Variants in VPS54 observed in about 807,000 individuals in gnomAD.
VPS54 encodes the protein VPS54 subunit of GARP complex, also known as vacuolar protein sorting-associated protein 54.
A neutral mutation model predicts 121.5 loss-of-function variants in VPS54; 45 were observed. That is an observed-to-expected ratio of 0.37 (90% CI 0.29 to 0.47). The LOEUF is 0.47. VPS54 is among the 20% of genes least tolerant of loss of function. VPS54 has a pLI of 0.99. For synonymous variants in VPS54, 371 were observed against 385.8 expected, an observed-to-expected ratio of 0.96 and a Z score of 0.45; for missense variants, 1,090 against 1,131.4, an observed-to-expected ratio of 0.96 and a Z score of 0.52.
chr2:63,949,382 T>TG (rs1675134648), intron 7 of VPS54, among the ~76,000 whole-genome samples: 2 of 152,166 alleles, frequency 1.3e-5, no homozygotes, highest in South Asian at 4.2e-4. Flanking sequence ...TTGAACAACA[T>TG]GGGGGTTAGA....
intron 1 of VPS54, among the ~76,000 whole-genome samples, chr2:63,994,915 TGGAG>T (rs753586189): frequency 1.3e-5 from 2 of 152,236 alleles, no homozygotes; most frequent in Non-Finnish European, 2.9e-5. Context: ...AGGGAATGCC[TGGAG>T]GCTACTTATT....
At chr2:64,013,434 A>AT (rs1385322612) in intron 1 of VPS54, among the ~76,000 whole-genome samples, 1 of 151,988 alleles carries the variant, frequency 6.6e-6, no homozygotes, top group Non-Finnish European at 1.5e-5. Context: ...GCAATGCATT[A>AT]ACCTTGAATG....
intron 20 of VPS54, among the ~76,000 whole-genome samples, chr2:63,900,992 C>A (rs999413968): frequency 4.6e-5 from 7 of 152,158 alleles, no homozygotes; most frequent in Non-Finnish European, 8.8e-5. Flanking sequence ...GATCTCCTGA[C>A]CTCGTGATCC....
At chr2:63,949,790 T>C (rs1424774300) in intron 7 of VPS54, among the ~76,000 whole-genome samples, 1 of 152,172 alleles carries the variant, frequency 6.6e-6, no homozygotes, top group Non-Finnish European at 1.5e-5. Context: ...TTTCTGACTT[T>C]ACTTTTGCAT....
At chr2:63,942,362 A>T (rs543142185) in intron 11 of VPS54, 103 bp downstream of exon 11, 2 of 786,488 alleles carry the variant, frequency 2.5e-6, no homozygotes, top group Non-Finnish European at 3.7e-6. Flanking sequence ...AAAAACAAAG[A>T]AACTGTGTTT....
In VPS54 at chr2:63,984,027, T is replaced by C. The variant is rs1166824820; in HGVS notation, c.-20-8A>G. ...CATAAAATCACCACTCAACTGAAAA[T>C]GAGTAAGAAATACTAATTAAGACAC... On this transcript the variant is annotated splice_polypyrimidine_tract_variant and splice_region_variant and intron_variant, in intron 1 of 22. Coordinates refer to ENST00000272322, the MANE Select transcript of VPS54 (RefSeq NM_016516.3). 6.3e-7 allele frequency: 1 copy of C among 1,579,996 alleles called. No individual in the cohort carries two copies. Among genetic ancestry groups the C allele is most frequent in the East Asian group, 2.3e-5 (1 of 44,220 alleles).
chr2:63,929,212 A>C (rs1409055141), intron 12 of VPS54, among the ~76,000 whole-genome samples: 1 of 152,222 alleles, frequency 6.6e-6, no homozygotes, highest in African/African-American at 2.4e-5. Context: ...CAGAATATAC[A>C]TTCTTCTCAG....
At chr2:63,941,238 T>C (rs1201819399) in intron 11 of VPS54, among the ~76,000 whole-genome samples, 1 of 152,168 alleles carries the variant, frequency 6.6e-6, no homozygotes, top group Admixed American at 6.6e-5. Context: ...ATTTTTTCAT[T>C]TTTTGAGATG....
At chr2:63,921,882 T>C (rs1162177212) in intron 12 of VPS54, among the ~76,000 whole-genome samples, 2 of 152,238 alleles carry the variant, frequency 1.3e-5, no homozygotes, top group Non-Finnish European at 2.9e-5. Context: ...CTGCAGAAAC[T>C]ATAGCAAAAT....
chr2:63,966,057 C>T lies in VPS54; in HGVS notation c.493-91G>A, dbSNP rs1202756996. The T allele has an allele frequency of 8.5e-5, 111 of 1,312,468 alleles. No individual in the cohort carries two copies. The East Asian group carries it at 2.1e-3, about 25-fold the overall frequency. 81.3% of individuals were successfully genotyped at this position (1,312,468 alleles called of 1,614,324 possible). On this transcript the variant is annotated intron_variant, in intron 5 of 22. Transcript: ENST00000272322. Reference sequence around the variant, plus strand: ...CATCATGATCATTAAACAAAATTAACGTGGATCTTGAGTATGAATAGCAAA... The same window carrying T: ...CATCATGATCATTAAACAAAATTAATGTGGATCTTGAGTATGAATAGCAAA...
At chr2:64,010,161 A>G (rs1178790564) in intron 1 of VPS54, among the ~76,000 whole-genome samples, 4 of 152,208 alleles carry the variant, frequency 2.6e-5, no homozygotes, top group Non-Finnish European at 5.9e-5. Context: ...TGACTTATAA[A>G]TGAACTTTTT....
intron 7 of VPS54, among the ~76,000 whole-genome samples, chr2:63,951,582 T>A (rs533476470): frequency 7.9e-5 from 12 of 152,268 alleles, no homozygotes; most frequent in Non-Finnish European, 1.6e-4. Context: ...TTTCTGCAGT[T>A]ATGATTTAAT....
At position 63,986,455 on chromosome 2, in the gene VPS54, G is replaced by C. The variant is rs139004079; in HGVS notation, c.-20-2436C>G. Among the ~76,000 whole-genome samples the C allele has an allele frequency of 7.8e-3, 1,192 of 152,242 alleles. 12 individuals carry two copies. The highest frequency in any genetic ancestry group is 0.027 in the African/African-American group (1,124 of 41,526). ...TGACAAGATCTCATCCTTTTCTATG[G>C]CTGAATAGTTCTCTATTGTGTATAT... On this transcript the variant is annotated intron_variant, in intron 1 of 22. Transcript: ENST00000272322.
At chr2:63,926,511 G>A (rs13431823) in intron 12 of VPS54, among the ~76,000 whole-genome samples, 224 of 152,244 alleles carry the variant, frequency 1.5e-3, no homozygotes, top group African/African-American at 4.8e-3. Flanking sequence ...TGAGCTGACC[G>A]GTCGCTCCCA....
intron 5 of VPS54, among the ~76,000 whole-genome samples, chr2:63,967,087 G>A (rs1181656652): frequency 1.3e-5 from 2 of 151,906 alleles, no homozygotes; most frequent in Non-Finnish European, 2.9e-5. Flanking sequence ...GTTCTTGCAG[G>A]GTTAAATTTA....
chr2:63,904,438 CAAA>C (rs58651830), intron 20 of VPS54, among the ~76,000 whole-genome samples: 1 of 19,922 alleles, frequency 5.0e-5, no homozygotes, highest in African/African-American at 2.3e-4. Context: ...GACTTGGTCT[CAAA>C]AAAAAAAAAA....
intron 1 of VPS54, among the ~76,000 whole-genome samples, chr2:63,986,663 C>T (rs543188337): frequency 7.2e-5 from 11 of 152,108 alleles, no homozygotes; most frequent in Non-Finnish European, 1.2e-4. Context: ...TTTCGAGGGA[C>T]CTCCAAACTG....
chr2:63,989,303 T>A (rs1289238421), intron 1 of VPS54, among the ~76,000 whole-genome samples: 1 of 152,186 alleles, frequency 6.6e-6, no homozygotes, highest in African/African-American at 2.4e-5. Context: ...TTGAAGCACG[T>A]GATCTCTGTG....
chr2:63,906,801 G>C (rs960092430), intron 20 of VPS54, among the ~76,000 whole-genome samples: 1 of 152,222 alleles, frequency 6.6e-6, no homozygotes, highest in East Asian at 1.9e-4. Flanking sequence ...TACATTCAAC[G>C]CAATTTCAAT....
Sources: allele counts gnomAD v4.1 joint callset (sites outside exome capture counted in the v4.1 genomes callset), GRCh38; gene constraint gnomAD v4.1.1; transcripts MANE v1.5; gene names NCBI Gene and HGNC (gene_info 2026-07-23, HGNC 2026-07-21).